EML6: variants seen among roughly 807,000 people sequenced by gnomAD.
EML6 encodes EMAP like 6.
A neutral mutation model predicts 240.1 loss-of-function variants in EML6; 154 were observed. That is an observed-to-expected ratio of 0.64 (90% confidence interval 0.56 to 0.73). EML6 has a LOEUF of 0.73. Ranked by LOEUF, EML6 falls within the 30% of genes least tolerant of loss-of-function variation. The pLI is 0.00. For synonymous variants in EML6, 1,148 were observed against 899.0 expected, an observed-to-expected ratio of 1.28 and a Z score of -4.95; for missense variants, 2,964 against 2,474.6, an observed-to-expected ratio of 1.20 and a Z score of -4.20.
intron 7 of EML6, among the ~76,000 whole-genome samples, chr2:54,835,617 C>T (rs1383260675): frequency 6.6e-6 from 1 of 152,126 alleles, no homozygotes; most frequent in African/African-American, 2.4e-5. Context: ...GGTAGGAGCC[C>T]AGGTGGTTGT....
intron 2 of EML6, among the ~76,000 whole-genome samples, chr2:54,744,955 CACACACA>C (rs1558521075): frequency 0.068 from 7,335 of 107,238 alleles, 316 homozygotes; most frequent in Middle Eastern, 0.095. Context: ...CACACACACA[CACACACA>C]CCCTGCCATG....
chr2:54,809,171 G>T (rs1422853154), intron 2 of EML6, among the ~76,000 whole-genome samples: 2 of 152,168 alleles, frequency 1.3e-5, no homozygotes. Context: ...CAGTGCTGTC[G>T]TAGCTAAAAT....
chr2:54,884,777 A>G (rs1672031479), intron 17 of EML6, among the ~76,000 whole-genome samples: 2 of 152,258 alleles, frequency 1.3e-5, no homozygotes, highest in African/African-American at 4.8e-5. Context: ...TTTTATCTCT[A>G]GGAAATATAA....
intron 17 of EML6, chr2:54,879,875 C>CA: frequency 3.9e-6 from 2 of 511,246 alleles, no homozygotes; most frequent in Non-Finnish European, 6.9e-6. Context: ...GAGAGTCATT[C>CA]ACCGCTTCAT....
intron 21 of EML6, 27 bp from the exon 22 acceptor site, chr2:54,899,614 T>G (rs750733976): frequency 5.2e-6 from 8 of 1,550,040 alleles, no homozygotes; most frequent in African/African-American, 1.4e-5. Flanking sequence ...AAGTAGAGTT[T>G]ATGTTGCCCC....
At chr2:54,866,998 C>A in intron 14 of EML6, 114 bp downstream of exon 14, 1 of 603,426 alleles carries the variant, frequency 1.7e-6, no homozygotes, top group Non-Finnish European at 3.0e-6. Context: ...CTCCTCCTGG[C>A]TAGCTCTTCT....
At chr2:54,755,112 A>G (rs1385917826) in intron 2 of EML6, among the ~76,000 whole-genome samples, 1 of 152,224 alleles carries the variant, frequency 6.6e-6, no homozygotes, top group African/African-American at 2.4e-5. Context: ...ACAGATATAC[A>G]GTTAACCCAG....
intron 28 of EML6, among the ~76,000 whole-genome samples, chr2:54,934,944 C>T (rs1675061881): frequency 6.6e-6 from 1 of 152,148 alleles, no homozygotes; most frequent in South Asian, 2.1e-4. Flanking sequence ...TTTCTTAAGT[C>T]AAATCACTTG....
At chr2:54,752,376 A>G (rs754733975) in intron 2 of EML6, among the ~76,000 whole-genome samples, 4 of 152,214 alleles carry the variant, frequency 2.6e-5, no homozygotes, top group Non-Finnish European at 5.9e-5. Flanking sequence ...AGCAAGGTTA[A>G]TATACCCATA....
Position 54,917,119 on chromosome 2 carries a change from G to A in EML6, c.3675+184G>A, listed in dbSNP as rs193249813. On this transcript the variant is annotated intron_variant, in intron 26 of 41. Coordinates refer to ENST00000356458, the MANE Select transcript of EML6 (RefSeq NM_001039753.4). ...GACTAATTTCAGTGCAATTCTCATG[G>A]CATAGAATTCTACCTTGAAAGGCCT... 1.6e-3 allele frequency among the ~76,000 whole-genome samples: 242 copies of A among 152,142 alleles called. 2 individuals carry two copies. Among genetic ancestry groups the A allele is most frequent in the African/African-American group, 5.8e-3 (241 of 41,504 alleles).
chr2:54,877,997 G>T (rs1025628857), intron 16 of EML6, among the ~76,000 whole-genome samples: 1 of 152,122 alleles, frequency 6.6e-6, no homozygotes, highest in African/African-American at 2.4e-5. Context: ...ATTGAGATGG[G>T]GTTGCCAGAT....
intron 12 of EML6, among the ~76,000 whole-genome samples, chr2:54,862,422 C>T (rs2103850382): frequency 7.0e-6 from 1 of 143,016 alleles, no homozygotes; most frequent in African/African-American, 2.6e-5. Flanking sequence ...GGTTCAACAG[C>T]AGACTAGATT....
At chr2:54,753,992 G>A (rs985217995) in intron 2 of EML6, among the ~76,000 whole-genome samples, 4 of 151,758 alleles carry the variant, frequency 2.6e-5, no homozygotes, top group African/African-American at 7.3e-5. Context: ...AAAATTAGCC[G>A]GGTGTGGCAG....
intron 11 of EML6, among the ~76,000 whole-genome samples, chr2:54,854,316 G>A (rs1670255125): frequency 6.6e-6 from 1 of 152,120 alleles, no homozygotes; most frequent in Admixed American, 6.6e-5. Context: ...CAGTAATTTT[G>A]CAAACTAGAT....
intron 7 of EML6, among the ~76,000 whole-genome samples, chr2:54,834,782 C>G (rs1669048032): frequency 1.3e-5 from 2 of 152,334 alleles, no homozygotes; most frequent in Middle Eastern, 3.4e-3. Context: ...TTAGACTTGT[C>G]ACTATCTCCA....
At chr2:54,934,143 A>G (rs1675008806) in intron 28 of EML6, among the ~76,000 whole-genome samples, 1 of 152,234 alleles carries the variant, frequency 6.6e-6, no homozygotes, top group South Asian at 2.1e-4. Flanking sequence ...GGAAAATACC[A>G]GCAGTCAGGA....
At chr2:54,850,262 T>C in intron 10 of EML6, 44 bp downstream of exon 10, 1 of 1,521,440 alleles carries the variant, frequency 6.6e-7, no homozygotes, top group Non-Finnish European at 8.9e-7. Context: ...AAGCAAAATT[T>C]TGAACCAGGT....
At chr2:54,882,761 G>A (rs1573061802) in intron 17 of EML6, 2 of 150,780 alleles carry the variant, frequency 1.3e-5, no homozygotes, top group African/African-American at 4.9e-5. Context: ...GGGAGGCTGA[G>A]GCAGGAGAAC....
intron 12 of EML6, among the ~76,000 whole-genome samples, chr2:54,861,322 T>G (rs1558623844): frequency 1.3e-5 from 2 of 152,168 alleles, no homozygotes; most frequent in Non-Finnish European, 2.9e-5. Flanking sequence ...TTGATGGGGC[T>G]TCGCATTCCT....
Sources: allele counts gnomAD v4.1 joint callset (sites outside exome capture counted in the v4.1 genomes callset), GRCh38; gene constraint gnomAD v4.1.1; transcripts MANE v1.5; gene names NCBI Gene and HGNC (gene_info 2026-07-23, HGNC 2026-07-21).